TIA1: variants seen among roughly 807,000 people sequenced by gnomAD.
TIA1 encodes cytotoxic granule associated RNA binding protein TIA1.
A neutral mutation model predicts 65.9 loss-of-function variants in TIA1; 23 were observed. The ratio of observed to expected loss-of-function variants is 0.35; its 90% CI spans 0.25 to 0.49. The LOEUF (loss-of-function observed/expected upper bound fraction) is 0.49. TIA1 is among the 20% of genes least tolerant of loss of function. The probability of loss-of-function intolerance (pLI) is 0.98; values close to 1 mark genes in which losing one functional copy is unlikely to be tolerated. For missense variants in TIA1, 371 were observed against 477.9 expected, an observed-to-expected ratio of 0.78 and a Z score of 2.09; for synonymous variants, 147 against 149.4, an observed-to-expected ratio of 0.98 and a Z score of 0.12.
intron 1 of TIA1, among the ~76,000 whole-genome samples, chr2:70,246,805 A>G (rs56685146): frequency 0.084 from 12,821 of 152,048 alleles, 570 homozygotes; most frequent in East Asian, 0.18. Context: ...AGAATCATTT[A>G]AACCCAGGAG....
At position 70,245,641 on chromosome 2, in the gene TIA1, T is replaced by C. The variant is rs535954534; in HGVS notation, c.26+2764A>G. 2.6e-5 allele frequency among the ~76,000 whole-genome samples: 4 copies of C among 152,316 alleles called. No individual in the cohort carries two copies. In the South Asian group the frequency reaches 6.2e-4, roughly 24 times the overall value. On this transcript the variant is annotated intron_variant, in intron 1 of 12. Transcript: ENST00000433529. ...TCACCCATATGCTCACTACAAATGT[T>C]TGAACTTATTAACTGTACCTTGAAT...
At chr2:70,214,607 G>C in intron 11 of TIA1, 113 bp from the exon 12 acceptor site, 1 of 563,992 alleles carries the variant, frequency 1.8e-6, no homozygotes, top group Non-Finnish European at 2.5e-6. Flanking sequence ...CAATTAAAAT[G>C]ACAGGATAAA....
chr2:70,215,303 A>G, intron 11 of TIA1, 68 bp downstream of exon 11: 1 of 1,591,802 alleles, frequency 6.3e-7, no homozygotes, highest in Non-Finnish European at 8.6e-7. Context: ...AAGGATTATC[A>G]ACAATCTTCA....
chr2:70,227,943 A>G lies in TIA1; in HGVS notation c.311-121T>C, dbSNP rs1044133408. The G allele has an allele frequency of 2.7e-5, 17 of 639,174 alleles. 1 individual carries two copies. In the Admixed American group the frequency reaches 3.7e-4, roughly 14 times the overall value. 39.6% of individuals were successfully genotyped at this position (639,174 alleles called of 1,614,324 possible). ...TATGGCTTATGATAAAGTATAAATA[A>G]AACACTATCCTATATCTATACAAAT... On this transcript the variant is annotated intron_variant, in intron 5 of 12. Coordinates refer to ENST00000433529, the MANE Select transcript of TIA1 (RefSeq NM_022173.4).
At position 70,209,718 on chromosome 2, in the gene TIA1, G is replaced by GA. The variant is rs141913319; in HGVS notation, c.*3000dup. ...GTGAAATAAAGAACATTATTTGAGAGAAAAAAACTGATTTTTTTTAAAGAA... is the reference window on the plus strand; with the variant it reads ...GTGAAATAAAGAACATTATTTGAGAGAAAAAAAACTGATTTTTTTTAAAGAA... On this transcript the variant is annotated 3_prime_UTR_variant, in exon 13 of 13. Coordinates refer to ENST00000433529, the MANE Select transcript of TIA1 (RefSeq NM_022173.4). The GA allele has an allele frequency of 0.018, 7,055 of 398,256 alleles. 74 individuals carry two copies. The highest frequency in any genetic ancestry group is 0.023 in the Non-Finnish European group (5,097 of 225,916). 24.7% of individuals were successfully genotyped at this position (398,256 alleles called of 1,614,324 possible).
chr2:70,248,642 A>C (rs1032079933), upstream of TIA1: 1 of 652,706 alleles, frequency 1.5e-6, no homozygotes, highest in East Asian at 2.8e-5. Flanking sequence ...CCGGGAGCCT[A>C]GGAGCAGCCA....
chr2:70,238,503 A>T (rs1388654802), intron 1 of TIA1, among the ~76,000 whole-genome samples: 1 of 151,770 alleles, frequency 6.6e-6, no homozygotes, highest in East Asian at 1.9e-4. Context: ...CCCAATTTTT[A>T]AATTAACATT....
At chr2:70,231,620 A>C (rs1163054298) in intron 2 of TIA1, among the ~76,000 whole-genome samples, 1 of 152,176 alleles carries the variant, frequency 6.6e-6, no homozygotes, top group East Asian at 1.9e-4. Context: ...TACACAGATT[A>C]AGTTTGACTG....
chr2:70,218,095 C>A (rs989203871), intron 7 of TIA1, among the ~76,000 whole-genome samples: 1 of 152,096 alleles, frequency 6.6e-6, no homozygotes, highest in African/African-American at 2.4e-5. Context: ...AAAGCAATTA[C>A]ATATTGTGGT....
intron 8 of TIA1, 158 bp from the exon 9 acceptor site, chr2:70,216,657 C>A: frequency 7.3e-7 from 1 of 1,369,848 alleles, no homozygotes; most frequent in Admixed American, 2.5e-5. Context: ...ACCTCCCCCA[C>A]GAATGTCTAA....
In TIA1 at chr2:70,209,989, C is replaced by T. The variant is rs75842076; in HGVS notation, c.*2730G>A. 393 of 337,102 alleles carry T rather than the reference C, an allele frequency of 1.2e-3. No homozygotes were observed. Among genetic ancestry groups the T allele is most frequent in the Admixed American group, 2.2e-3 (45 of 20,596 alleles). The allele number at this position is 337,102 out of a possible 1,614,324, so 20.9% of individuals were successfully genotyped here. On this transcript the variant is annotated 3_prime_UTR_variant, in exon 13 of 13. Coordinates refer to ENST00000433529, the MANE Select transcript of TIA1 (RefSeq NM_022173.4). The stretch of plus-strand genomic sequence containing the variant: ...AAGACTAGAATGTGAATCTCATTTT[C>T]AACAAGTATCAGCAAGGAAAATGAG...
At chr2:70,246,172 C>T (rs1398341472) in intron 1 of TIA1, among the ~76,000 whole-genome samples, 1 of 152,220 alleles carries the variant, frequency 6.6e-6, no homozygotes, top group Non-Finnish European at 1.5e-5. Flanking sequence ...GATCCACCCT[C>T]CTCAGCCCCC....
chr2:70,215,339 C>A (rs757065502), intron 11 of TIA1, 32 bp downstream of exon 11: 2 of 1,611,262 alleles, frequency 1.2e-6, no homozygotes, highest in South Asian at 2.2e-5. Flanking sequence ...ATTAGCCCAA[C>A]AATTACTTCT....
chr2:70,220,968 C>A (rs1018800057), intron 7 of TIA1, among the ~76,000 whole-genome samples: 16 of 151,484 alleles, frequency 1.1e-4, no homozygotes, highest in Admixed American at 1.1e-3. Context: ...GAGTTCGAGG[C>A]CAGACTGGGC....
At chr2:70,238,375 A>G (rs372262708) in intron 1 of TIA1, among the ~76,000 whole-genome samples, 2 of 134,824 alleles carry the variant, frequency 1.5e-5, no homozygotes, top group South Asian at 2.5e-4. Flanking sequence ...GGTTCAAGTG[A>G]TTCTCCTGCC....
At chr2:70,248,662 C>T (rs1049456432), upstream of TIA1, 6 of 603,400 alleles carry the variant, frequency 9.9e-6, no homozygotes, top group African/African-American at 1.1e-4. Flanking sequence ...AGCAAAGTTA[C>T]CCGGGCCGCG....
intron 1 of TIA1, among the ~76,000 whole-genome samples, chr2:70,241,667 T>C (rs921516745): frequency 2.6e-5 from 4 of 152,000 alleles, no homozygotes. Context: ...CGGTAGGGTG[T>C]GGTGGCTCAC....
intron 7 of TIA1, among the ~76,000 whole-genome samples, chr2:70,219,572 A>G (rs1680255091): frequency 6.6e-6 from 1 of 152,118 alleles, no homozygotes; most frequent in Non-Finnish European, 1.5e-5. Context: ...CTTGGGCTCA[A>G]GTGATACTCC....
chr2:70,223,267 A>T (rs1035821999), intron 7 of TIA1, among the ~76,000 whole-genome samples: 1 of 152,182 alleles, frequency 6.6e-6, no homozygotes, highest in East Asian at 1.9e-4. Flanking sequence ...CCTTTCTAAA[A>T]CATTATGCTA....
Sources: gnomAD v4.1 joint callset for allele counts (sites outside exome capture counted in the v4.1 genomes callset) on GRCh38, gnomAD v4.1.1 for gene constraint, MANE v1.5 for transcripts, NCBI Gene and HGNC (gene_info 2026-07-23, HGNC 2026-07-21) for gene names.